The following L3MBTL4 variants were observed in gnomAD, a reference collection of about 807,000 sequenced individuals.
The protein encoded by L3MBTL4 is L3MBTL histone methyl-lysine binding protein 4, also known as lethal(3)malignant brain tumor-like protein 4.
Under a neutral mutation model 84.5 loss-of-function variants are expected in L3MBTL4, and 70 were observed. The ratio of observed to expected loss-of-function variants is 0.83; its 90% CI spans 0.68 to 1.01. The LOEUF is 1.01. Among genes scored for constraint, L3MBTL4 ranks in the 50% least tolerant of loss-of-function variants. The pLI is 0.00. For synonymous variants in L3MBTL4, 274 were observed against 259.8 expected, an observed-to-expected ratio of 1.05 and a Z score of -0.52; for missense variants, 715 against 754.8, an observed-to-expected ratio of 0.95 and a Z score of 0.62.
intron 1 of L3MBTL4, among the ~76,000 whole-genome samples, chr18:6,393,473 C>T (rs1320461385): frequency 1.3e-5 from 2 of 152,186 alleles, no homozygotes; most frequent in Non-Finnish European, 2.9e-5. Context: ...ATGCTAGAAG[C>T]TAACATTTAT....
At chr18:5,994,193 C>T (rs749047615) in intron 16 of L3MBTL4, among the ~76,000 whole-genome samples, 1 of 152,214 alleles carries the variant, frequency 6.6e-6, no homozygotes, top group Non-Finnish European at 1.5e-5. Context: ...GAACCCCAGA[C>T]CCAGGGCATC....
chr18:6,330,087 A>C (rs2051949023), intron 1 of L3MBTL4, among the ~76,000 whole-genome samples: 1 of 152,196 alleles, frequency 6.6e-6, no homozygotes, highest in Admixed American at 6.5e-5. Flanking sequence ...AGTAATTTCT[A>C]GCTTTGGGAT....
At chr18:6,244,404 T>C (rs2047572219) in intron 6 of L3MBTL4, 80 bp downstream of exon 6, 2 of 885,856 alleles carry the variant, frequency 2.3e-6, no homozygotes, top group Non-Finnish European at 1.8e-6. Context: ...ATAATAAATA[T>C]CAAACAAATT....
intron 16 of L3MBTL4, among the ~76,000 whole-genome samples, chr18:5,983,191 A>G (rs2053314590): frequency 2.6e-5 from 4 of 152,358 alleles, no homozygotes; most frequent in Admixed American, 2.0e-4. Context: ...CTCTTCTTCA[A>G]GTAAATGACA....
At position 6,135,289 on chromosome 18, in the gene L3MBTL4, G is replaced by A. The variant is rs1415357118; in HGVS notation, c.1199+2905C>T. ...TGTGATGGGAGAGGGTGCCGTAAAG[G>A]TCCCTGACATGGCCTGGAGACATTT... is the stretch of plus-strand genomic sequence containing the variant. On this transcript the variant is annotated intron_variant, in intron 14 of 18. Transcript: ENST00000317931. Among the ~76,000 whole-genome samples, 3 of 152,286 alleles carry A rather than the reference G, an allele frequency of 2.0e-5. No homozygotes were observed. The East Asian group carries it at 5.8e-4, about 30-fold the overall frequency.
At chr18:5,979,551 C>G (rs77960146) in intron 16 of L3MBTL4, among the ~76,000 whole-genome samples, 3,523 of 152,240 alleles carry the variant, frequency 0.023, 112 homozygotes, top group African/African-American at 0.064. Context: ...CTCAGAGACA[C>G]AATGTAACTT....
intron 12 of L3MBTL4, among the ~76,000 whole-genome samples, chr18:6,185,486 G>A (rs980027232): frequency 6.6e-5 from 10 of 152,262 alleles, no homozygotes; most frequent in Admixed American, 3.3e-4. Context: ...CAGGCTGCAG[G>A]CTGGCAGTGG....
intron 13 of L3MBTL4, among the ~76,000 whole-genome samples, chr18:6,144,144 T>C (rs9965920): frequency 0.041 from 5,397 of 132,126 alleles, 338 homozygotes; most frequent in African/African-American, 0.15. Context: ...TGCAGTGAGC[T>C]GAGATCACAC....
intron 1 of L3MBTL4, among the ~76,000 whole-genome samples, chr18:6,411,701 T>C (rs919673326): frequency 1.3e-5 from 2 of 152,140 alleles, no homozygotes; most frequent in South Asian, 4.1e-4. Flanking sequence ...CTCTCAATGC[T>C]AGTTTAGTCA....
chr18:6,191,831 A>T (rs943827657), intron 12 of L3MBTL4, among the ~76,000 whole-genome samples: 6 of 151,982 alleles, frequency 3.9e-5, no homozygotes, highest in African/African-American at 9.7e-5. Flanking sequence ...ACTACAAAAA[A>T]TTTTTTAAAT....
rs1568328218 is a variant in L3MBTL4, at chr18:6,215,780, G to A, written c.840C>T (p.Thr280=). 2 of 1,607,276 alleles carry A rather than the reference G, an allele frequency of 1.2e-6. No homozygotes were observed. Among genetic ancestry groups the A allele is most frequent in the South Asian group, 2.2e-5 (2 of 89,496 alleles). ...SWTEYLEATQ[T]NAVPAKVFKM... is the part of the protein sequence containing the mutation. ...TAAAAACTTTGGCAGGAACTGCATT[G>A]GTTTGAGTAGCTTCCAGGTATTCTG... The change falls in exon 11 of 19, where the codon ACC becomes ACT. Residue 280 remains threonine (T), a synonymous_variant. Coordinates refer to ENST00000317931, the MANE Select transcript of L3MBTL4 (RefSeq NM_001330559.2).
At chr18:5,989,076 G>A (rs1476634834) in intron 16 of L3MBTL4, among the ~76,000 whole-genome samples, 2 of 152,212 alleles carry the variant, frequency 1.3e-5, no homozygotes, top group Admixed American at 1.3e-4. Flanking sequence ...GTGGGGGCCT[G>A]TGGGGAACTG....
intron 1 of L3MBTL4, among the ~76,000 whole-genome samples, chr18:6,316,543 A>C (rs1416701309): frequency 6.6e-6 from 1 of 152,190 alleles, no homozygotes; most frequent in Non-Finnish European, 1.5e-5. Context: ...TTCTCCCACA[A>C]GAGCTTGATA....
chr18:6,239,405 T>G (rs1476828030), intron 9 of L3MBTL4, among the ~76,000 whole-genome samples: 4 of 126,228 alleles, frequency 3.2e-5, no homozygotes, highest in African/African-American at 1.2e-4. Context: ...AAAAAAAAAA[T>G]GCTGAAAGTT....
chr18:6,014,717 T>G (rs2054885892), intron 16 of L3MBTL4, among the ~76,000 whole-genome samples: 2 of 151,918 alleles, frequency 1.3e-5, no homozygotes, highest in Non-Finnish European at 2.9e-5. Flanking sequence ...TAGAAGGGAA[T>G]AGAGGACAAA....
intron 1 of L3MBTL4, among the ~76,000 whole-genome samples, chr18:6,320,146 C>T (rs2051328526): frequency 6.6e-6 from 1 of 152,002 alleles, no homozygotes; most frequent in Non-Finnish European, 1.5e-5. Flanking sequence ...GGACACACCT[C>T]AAAATAACAA....
At chr18:6,036,037 T>C (rs904464936) in intron 16 of L3MBTL4, among the ~76,000 whole-genome samples, 6 of 152,214 alleles carry the variant, frequency 3.9e-5, no homozygotes, top group African/African-American at 1.4e-4. Context: ...CCATTATCTC[T>C]GGCCACCAAG....
intron 16 of L3MBTL4, among the ~76,000 whole-genome samples, chr18:6,064,600 T>TTTG: frequency 6.6e-6 from 1 of 150,998 alleles, no homozygotes; most frequent in African/African-American, 2.4e-5. Flanking sequence ...ATTCCTAGGT[T>TTTG]TTTTTTTTTT....
chr18:6,393,070 A>G (rs1002182044), intron 1 of L3MBTL4, among the ~76,000 whole-genome samples: 20 of 116,704 alleles, frequency 1.7e-4, no homozygotes, highest in African/African-American at 5.1e-4. Flanking sequence ...CCCAAAAGTG[A>G]TTGAAATAAA....
Sources: allele counts gnomAD v4.1 joint callset (sites outside exome capture counted in the v4.1 genomes callset), GRCh38; gene constraint gnomAD v4.1.1; transcripts MANE v1.5; gene names NCBI Gene and HGNC (gene_info 2026-07-23, HGNC 2026-07-21).